Variants in XNDC1N observed in about 807,000 individuals in gnomAD.
XNDC1N encodes the protein XRCC1 N-terminal domain containing 1, N-terminal like.
the XNDC1N span, among the ~76,000 whole-genome samples, chr11:71,922,352 G>C: frequency 9.2e-5 from 14 of 152,300 alleles, no homozygotes; most frequent in Admixed American, 2.0e-4. Flanking sequence ...GCCCAGGCTG[G>C]AGTGCAGTGG....
the XNDC1N span, among the ~76,000 whole-genome samples, chr11:71,911,818 G>A: frequency 2.0e-5 from 3 of 152,176 alleles, no homozygotes; most frequent in African/African-American, 7.2e-5. Context: ...CATCTTGCTG[G>A]GTTTGGGGAA....
At chr11:71,905,470 T>C in the XNDC1N span, among the ~76,000 whole-genome samples, 12 of 150,192 alleles carry the variant, frequency 8.0e-5, no homozygotes, top group Admixed American at 7.9e-4. Flanking sequence ...CCCTGTGACA[T>C]TACGGTAACA....
the XNDC1N span, among the ~76,000 whole-genome samples, chr11:71,883,488 G>A: frequency 2.1e-4 from 32 of 152,116 alleles, no homozygotes; most frequent in African/African-American, 6.5e-4. Context: ...TATATAATGG[G>A]GAAAAGATGG....
chr11:71,893,767 C>T, the XNDC1N span: 46 of 1,124,180 alleles, frequency 4.1e-5, no homozygotes, highest in Non-Finnish European at 5.3e-5. Flanking sequence ...CTGCCTGACA[C>T]AGATTTCCTT....
the XNDC1N span, among the ~76,000 whole-genome samples, chr11:71,891,059 G>A: frequency 6.6e-6 from 1 of 151,978 alleles, no homozygotes; most frequent in Non-Finnish European, 1.5e-5. Context: ...GGGGGAAGGT[G>A]TACATTCCCT....
the XNDC1N span, among the ~76,000 whole-genome samples, chr11:71,890,172 T>C: frequency 5.9e-5 from 9 of 152,274 alleles, no homozygotes; most frequent in African/African-American, 2.2e-4. Flanking sequence ...TTTGAGGGAA[T>C]GTTATCCTCT....
the XNDC1N span, chr11:71,904,011 G>A: frequency 1.5e-5 from 8 of 521,936 alleles, no homozygotes; most frequent in Non-Finnish European, 2.7e-5. Context: ...AGCGTGCAGT[G>A]GCCTCAGTGA....
the XNDC1N span, among the ~76,000 whole-genome samples, chr11:71,910,943 C>T: frequency 6.6e-6 from 1 of 152,230 alleles, no homozygotes; most frequent in Non-Finnish European, 1.5e-5. Flanking sequence ...TTCTGGCATC[C>T]CCAGCCCTGG....
At chr11:71,878,827 C>CA in the XNDC1N span, among the ~76,000 whole-genome samples, 365 of 120,112 alleles carry the variant, frequency 3.0e-3, 4 homozygotes, top group South Asian at 0.027. Flanking sequence ...CCCATCTCTA[C>CA]AAAAAAAAAA....
chr11:71,887,421 A>G, the XNDC1N span, among the ~76,000 whole-genome samples: 1 of 152,084 alleles, frequency 6.6e-6, no homozygotes, highest in South Asian at 2.1e-4. Flanking sequence ...TGCTAAAGTT[A>G]CCAGGAACGG....
chr11:71,866,173 GT>G, the XNDC1N span, among the ~76,000 whole-genome samples: 1 of 146,000 alleles, frequency 6.8e-6, no homozygotes, highest in African/African-American at 2.5e-5. Flanking sequence ...TGCTGTGCTT[GT>G]TGTTATAAAT....
chr11:71,914,568 T>C, the XNDC1N span: 1 of 348,792 alleles, frequency 2.9e-6, no homozygotes, highest in Admixed American at 4.0e-5. Flanking sequence ...GTGTCTGTAA[T>C]CCCAGCTACT....
At chr11:71,915,383 G>C in the XNDC1N span, among the ~76,000 whole-genome samples, 3 of 151,686 alleles carry the variant, frequency 2.0e-5, no homozygotes, top group Non-Finnish European at 4.4e-5. Flanking sequence ...GGGAGGTGGA[G>C]CTTGCAGTGA....
At chr11:71,907,539 C>A in the XNDC1N span, among the ~76,000 whole-genome samples, 1 of 152,004 alleles carries the variant, frequency 6.6e-6, no homozygotes, top group African/African-American at 2.4e-5. Context: ...AATATCACCT[C>A]CCCCTCTGGA....
At chr11:71,881,824 A>G in the XNDC1N span, among the ~76,000 whole-genome samples, 1 of 152,184 alleles carries the variant, frequency 6.6e-6, no homozygotes, top group African/African-American at 2.4e-5. Flanking sequence ...AAAAGCAAAG[A>G]AAAAAGAATT....
the XNDC1N span, chr11:71,903,590 C>T: frequency 1.6e-6 from 1 of 644,404 alleles, no homozygotes. Context: ...CCATATCGTT[C>T]AGCCATCTTG....
chr11:71,890,225 G>T, the XNDC1N span, among the ~76,000 whole-genome samples: 1 of 152,116 alleles, frequency 6.6e-6, no homozygotes, highest in Non-Finnish European at 1.5e-5. Flanking sequence ...AATAACACAG[G>T]GTTGATGTAC....
At chr11:71,878,776 G>A in the XNDC1N span, among the ~76,000 whole-genome samples, 2 of 152,030 alleles carry the variant, frequency 1.3e-5, no homozygotes, top group South Asian at 4.2e-4. Context: ...GGGTGAGCTT[G>A]GGAGTTCTAG....
At chr11:71,869,468 T>C in the XNDC1N span, among the ~76,000 whole-genome samples, 1 of 152,186 alleles carries the variant, frequency 6.6e-6, no homozygotes, top group Non-Finnish European at 1.5e-5. Flanking sequence ...GGCATTTGGG[T>C]TGGTTCCAAG....
Sources: gnomAD v4.1 joint callset for allele counts (sites outside exome capture counted in the v4.1 genomes callset) on GRCh38, gnomAD v4.1.1 for gene constraint, MANE v1.5 for transcripts, NCBI Gene and HGNC (gene_info 2026-07-23, HGNC 2026-07-21) for gene names.